Variants in SLC9A9 observed in about 807,000 individuals in gnomAD.
The protein encoded by SLC9A9 is sodium/hydrogen exchanger 9.
In SLC9A9, 62 loss-of-function variants were observed where a neutral mutation model predicts 77.8. The observed-to-expected ratio is 0.80, with a 90% CI of 0.65 to 0.98. SLC9A9 has a LOEUF of 0.98. Ranked by LOEUF, SLC9A9 falls within the 50% of genes least tolerant of loss-of-function variation. SLC9A9 has a pLI of 0.00. For synonymous variants in SLC9A9, 320 were observed against 283.5 expected (o/e 1.13, Z -1.29); for missense variants, 775 against 774.9 (o/e 1.00, Z 0.00).
At chr3:143,786,046 G>A (rs2008046846) in intron 4 of SLC9A9, among the ~76,000 whole-genome samples, 1 of 151,314 alleles carries the variant, frequency 6.6e-6, no homozygotes, top group Non-Finnish European at 1.5e-5. Context: ...TAGTAGAGAC[G>A]GGGTTTCACC....
rs118072694 is a variant in SLC9A9 at position 143,602,917 on chromosome 3, C to T, written c.756-24194G>A. On this transcript the variant is annotated intron_variant, in intron 6 of 15. Transcript: ENST00000316549. ...ATTTGTGGATAAGAATGCTGATGAC[C>T]ACATGTGAGCATAATGGCGCTTTAA... Among the ~76,000 whole-genome samples the T allele has an allele frequency of 6.5e-3, 987 of 152,282 alleles. 30 individuals carry two copies. The highest frequency in any genetic ancestry group is 0.049 in the Admixed American group (756 of 15,298).
intron 14 of SLC9A9, among the ~76,000 whole-genome samples, chr3:143,310,227 T>C (rs559003997): frequency 6.6e-6 from 1 of 152,158 alleles, no homozygotes; most frequent in Non-Finnish European, 1.5e-5. Flanking sequence ...ACATGCCATT[T>C]TCTCCATTTT....
At position 143,361,624 on chromosome 3, in the gene SLC9A9, C is replaced by T. The variant is rs149949041; in HGVS notation, c.1604+1860G>A. On this transcript the variant is annotated intron_variant, in intron 14 of 15. Transcript: ENST00000316549. The stretch of plus-strand genomic sequence containing the variant: ...AAGTCAATATATATTTGTGTAGTGA[C>T]GGCAGCATAGCAATTTCTAGAATGA... Among the ~76,000 whole-genome samples, 1,091 of 152,190 alleles carry T rather than the reference C, an allele frequency of 7.2e-3. 15 individuals are homozygous for T. The highest frequency in any genetic ancestry group is 0.024 in the African/African-American group (1,001 of 41,528).
chr3:143,668,542 C>T (rs1290905294), intron 5 of SLC9A9, among the ~76,000 whole-genome samples: 1 of 152,014 alleles, frequency 6.6e-6, no homozygotes, highest in East Asian at 1.9e-4. Context: ...CAATAAATAG[C>T]CTATAAACAC....
At chr3:143,630,476 T>C (rs1377617729) in intron 6 of SLC9A9, among the ~76,000 whole-genome samples, 1 of 152,202 alleles carries the variant, frequency 6.6e-6, no homozygotes. Context: ...TTCTTGTGGA[T>C]AGGAGCATAA....
At chr3:143,364,940 G>T (rs1214873226) in intron 13 of SLC9A9, among the ~76,000 whole-genome samples, 1 of 152,178 alleles carries the variant, frequency 6.6e-6, no homozygotes, top group African/African-American at 2.4e-5. Context: ...AAAGGATGGG[G>T]TCTACAGTGT....
At chr3:143,779,908 C>G (rs182911813) in intron 4 of SLC9A9, among the ~76,000 whole-genome samples, 69 of 152,330 alleles carry the variant, frequency 4.5e-4, no homozygotes, top group Admixed American at 2.7e-3. Flanking sequence ...TAAACACTCA[C>G]ATTCTTGCAA....
At chr3:143,794,665 T>C (rs935911314) in intron 4 of SLC9A9, among the ~76,000 whole-genome samples, 11 of 152,106 alleles carry the variant, frequency 7.2e-5, no homozygotes, top group African/African-American at 2.7e-4. Flanking sequence ...GGTCTCTCAA[T>C]ACAAGACAAA....
intron 4 of SLC9A9, among the ~76,000 whole-genome samples, chr3:143,765,619 C>T (rs893862530): frequency 6.6e-6 from 1 of 152,124 alleles, no homozygotes; most frequent in Non-Finnish European, 1.5e-5. Context: ...AATATAAATT[C>T]GTGATTGTTG....
intron 9 of SLC9A9, among the ~76,000 whole-genome samples, chr3:143,532,754 C>G (rs1426562015): frequency 1.3e-5 from 2 of 152,134 alleles, no homozygotes; most frequent in Non-Finnish European, 2.9e-5. Context: ...AATGATATTT[C>G]CACTCATTCT....
intron 2 of SLC9A9, among the ~76,000 whole-genome samples, chr3:143,814,311 T>C (rs2008947062): frequency 6.6e-6 from 1 of 152,092 alleles, no homozygotes; most frequent in Non-Finnish European, 1.5e-5. Flanking sequence ...GGAGAAATGA[T>C]CCAGAATCAT....
intron 9 of SLC9A9, among the ~76,000 whole-genome samples, chr3:143,526,199 T>C (rs1194931947): frequency 6.6e-6 from 1 of 152,154 alleles, no homozygotes. Flanking sequence ...TCTTCTTGTT[T>C]GGGGAAGATA....
chr3:143,317,675 TG>T (rs2031262100), intron 14 of SLC9A9, among the ~76,000 whole-genome samples: 7 of 40,050 alleles, frequency 1.7e-4, no homozygotes, highest in African/African-American at 1.2e-3. Context: ...AGGTTTGAAA[TG>T]TTCTATGTTC....
intron 12 of SLC9A9, among the ~76,000 whole-genome samples, chr3:143,396,022 G>A (rs189426062): frequency 0.063 from 9,525 of 152,230 alleles, 442 homozygotes; most frequent in African/African-American, 0.13. Context: ...TAGTTCAACC[G>A]TTGTGGAAGT....
At chr3:143,767,106 G>A (rs940596119) in intron 4 of SLC9A9, among the ~76,000 whole-genome samples, 22 of 152,058 alleles carry the variant, frequency 1.4e-4, no homozygotes, top group Non-Finnish European at 2.5e-4. Context: ...TTTATAACAC[G>A]TTTCACTCAG....
chr3:143,475,218 C>T (rs961955424), intron 11 of SLC9A9, among the ~76,000 whole-genome samples: 79 of 151,622 alleles, frequency 5.2e-4, no homozygotes, highest in African/African-American at 1.6e-3. Context: ...CTACCCGCCT[C>T]GGCCTCCCAA....
chr3:143,776,106 A>G (rs1047914307), intron 4 of SLC9A9, among the ~76,000 whole-genome samples: 1 of 152,188 alleles, frequency 6.6e-6, no homozygotes, highest in Non-Finnish European at 1.5e-5. Context: ...TCAAAATTTA[A>G]AAGTATATAT....
At chr3:143,607,024 A>T (rs1234271372) in intron 6 of SLC9A9, among the ~76,000 whole-genome samples, 1 of 152,116 alleles carries the variant, frequency 6.6e-6, no homozygotes, top group African/African-American at 2.4e-5. Flanking sequence ...CAGAGAGAAA[A>T]GACAGATTAG....
chr3:143,381,033 A>C (rs764710906), intron 13 of SLC9A9, among the ~76,000 whole-genome samples: 1 of 152,236 alleles, frequency 6.6e-6, no homozygotes, highest in Non-Finnish European at 1.5e-5. Flanking sequence ...AAAAAGGTGT[A>C]AAATTTCCCT....
Sources: allele counts gnomAD v4.1 joint callset (sites outside exome capture counted in the v4.1 genomes callset), GRCh38; gene constraint gnomAD v4.1.1; transcripts MANE v1.5; gene names NCBI Gene and HGNC (gene_info 2026-07-23, HGNC 2026-07-21).